The following ZNF490 variants were observed in gnomAD, a reference collection of about 807,000 sequenced individuals.
ZNF490 encodes the protein zinc finger protein 490.
ZNF490 carries 11 observed loss-of-function variants against 17.7 expected under a neutral mutation model. The observed-to-expected ratio is 0.62, with a 90% confidence interval of 0.39 to 1.03. The LOEUF (loss-of-function observed/expected upper bound fraction) is 1.03, where lower values mean the gene tolerates loss of function less well. Ranked by LOEUF, ZNF490 falls within the 50% of genes least tolerant of loss-of-function variation. ZNF490 has a pLI of 0.00. For synonymous variants in ZNF490, 222 were observed against 216.1 expected (o/e 1.03, Z -0.24); for missense variants, 542 against 643.4 (o/e 0.84, Z 1.71).
In ZNF490 at chr19:12,580,317, C is replaced by A. The variant is rs1161915222; in HGVS notation, c.*168G>T. 2.1e-6 allele frequency: 3 copies of A among 1,428,020 alleles called. No homozygotes were observed. The highest frequency in any genetic ancestry group is 1.7e-5 in the South Asian group (1 of 58,990). The allele number at this position is 1,428,020 out of a possible 1,614,324, so 88.5% of individuals were successfully genotyped here. On this transcript the variant is annotated 3_prime_UTR_variant, in exon 5 of 5. Transcript: ENST00000311437. ...CGCAGGAGAGTGCAAGTTCCTCCCC[C>A]ATTTGTTAAATATTTCATTGCCGCA...
rs185741545 is a variant in ZNF490, at chr19:12,590,038, C to T, written c.163-6482G>A. On this transcript the variant is annotated intron_variant, in intron 2 of 4. Transcript: ENST00000311437. ...CAAGCAATTCTCCTGCCTCAGCCTC[C>T]GGAGTAGCTGGGATTACAGGCATGT... 3.3e-5 allele frequency among the ~76,000 whole-genome samples: 5 copies of T among 151,902 alleles called. No individual in the cohort carries two copies. In the East Asian group the frequency reaches 7.8e-4, roughly 24 times the overall value.
intron 1 of ZNF490, among the ~76,000 whole-genome samples, 194 bp from the exon 2 acceptor site, chr19:12,609,396 TA>T (rs1035547344): frequency 1.3e-5 from 2 of 150,850 alleles, no homozygotes; most frequent in Non-Finnish European, 3.0e-5. Context: ...GTTTCTACTT[TA>T]AAAAAAAAAT....
At chr19:12,609,844 A>G in intron 1 of ZNF490, 1 of 427,356 alleles carries the variant, frequency 2.3e-6, no homozygotes, top group Non-Finnish European at 4.6e-6. Flanking sequence ...TTGGACAGAG[A>G]GGGGGGATGA....
chr19:12,591,844 A>C (rs951560107), intron 2 of ZNF490, among the ~76,000 whole-genome samples: 7 of 152,146 alleles, frequency 4.6e-5, no homozygotes, highest in Admixed American at 6.5e-5. Context: ...AAAAAAAAAA[A>C]AACACACTCT....
Position 12,599,656 on chromosome 19 carries a change from T to C in ZNF490, c.162+9502A>G, listed in dbSNP as rs771369785. On this transcript the variant is annotated intron_variant, in intron 2 of 4. Transcript: ENST00000311437. ...GTTGCTAAGAATCAATATTGTAACA[T>C]GTAATTGAGACTACTGGAAAAAACA... Among the ~76,000 whole-genome samples, 10 of 152,314 alleles carry C rather than the reference T, an allele frequency of 6.6e-5. 1 individual carries two copies. In the South Asian group the frequency reaches 1.2e-3, roughly 19 times the overall value.
chr19:12,580,894 T>G lies in ZNF490; in HGVS notation c.1181A>C (p.Gln394Pro). Residue 394 changes from glutamine to proline, a missense_variant, in exon 5 of 5, where the codon CAA (glutamine) becomes CCA (proline). Gln to Pro is a moderately conservative substitution (Grantham distance 76, BLOSUM62 -1). Coordinates refer to ENST00000311437, the MANE Select transcript of ZNF490 (RefSeq NM_020714.3). ...HFGEKPYECK[Q>P]CGKAFNSSSY... ...TGAAGAATTGAAGGCTTTACCACAT[T>G]GTTTACATTCATAGGGTTTTTCTCC... 1 of 1,614,190 alleles carries G rather than the reference T, an allele frequency of 6.2e-7. No individual in the cohort carries two copies. Among genetic ancestry groups the G allele is most frequent in the Non-Finnish European group, 8.5e-7 (1 of 1,180,018 alleles).
At chr19:12,601,299 A>G (rs10403883) in intron 2 of ZNF490, among the ~76,000 whole-genome samples, 2,674 of 151,706 alleles carry the variant, frequency 0.018, 92 homozygotes, top group African/African-American at 0.063. Context: ...GAGGCAGGAG[A>G]ATGGTGTGAA....
chr19:12,581,267 T>G lies in ZNF490; in HGVS notation c.808A>C (p.Lys270Gln). The G allele has an allele frequency of 1.2e-6, 2 of 1,614,212 alleles. No homozygotes were observed. Among genetic ancestry groups the G allele is most frequent in the East Asian group, 4.5e-5 (2 of 44,886 alleles). ...RYLTALRRHE[K>Q]NHTGEKPYKC... is the part of the protein sequence containing the mutation. ...TAGGGTTTCTCTCCAGTGTGATTTT[T>G]TTCATGGCGCCGAAGAGCAGTGAGA... The change falls in exon 5 of 5, where the codon AAA becomes CAA. Residue 270 changes from lysine to glutamine, a missense_variant. Physicochemically the swap from Lys to Gln is moderately conservative, Grantham distance 53. Transcript: ENST00000311437.
chr19:12,604,448 G>A (rs2023043160), intron 2 of ZNF490, among the ~76,000 whole-genome samples: 2 of 152,028 alleles, frequency 1.3e-5, no homozygotes, highest in Admixed American at 1.3e-4. Context: ...TCAGGAGTTC[G>A]AGACCAGCCT....
intron 2 of ZNF490, among the ~76,000 whole-genome samples, chr19:12,606,239 C>G (rs1291095493): frequency 6.6e-6 from 1 of 151,222 alleles, no homozygotes. Context: ...ATTGCCCAAG[C>G]TGGAGTGCAG....
intron 4 of ZNF490, 90 bp downstream of exon 4, chr19:12,582,760 T>C (rs2022755442): frequency 8.9e-7 from 1 of 1,120,674 alleles, no homozygotes; most frequent in African/African-American, 1.6e-5. Flanking sequence ...CCTGAAACTC[T>C]GCTTATTGTT....
chr19:12,583,962 C>G (rs2145144138), intron 2 of ZNF490, among the ~76,000 whole-genome samples: 1 of 151,368 alleles, frequency 6.6e-6, no homozygotes, highest in South Asian at 2.1e-4. Flanking sequence ...AGGCGCCCAC[C>G]ACCACACCCA....
Position 12,581,538 on chromosome 19 carries a change from A to G in ZNF490, c.537T>C (p.Thr179=), listed in dbSNP as rs768469847. The G allele has an allele frequency of 2.5e-6, 4 of 1,614,126 alleles. No individual in the cohort carries two copies. The East Asian group carries it at 8.9e-5, about 36-fold the overall frequency. The change falls in exon 5 of 5, where the codon ACT becomes ACC. Residue 179 remains threonine (T), a synonymous_variant. Transcript: ENST00000311437. ...CGTGACACTCATTTGGTTTCTGTTCAGTGTGAGATCTCATGTGCCTATTAA... is the reference window on the plus strand; with the variant it reads ...CGTGACACTCATTTGGTTTCTGTTCGGTGTGAGATCTCATGTGCCTATTAA... ...VSLNRHMRSH[T]EQKPNECHEY... is the part of the protein sequence containing the mutation.
rs760803114 is a variant in ZNF490, at chr19:12,589,550, AG to A, written c.163-5995del. On this transcript the variant is annotated intron_variant, in intron 2 of 4. Transcript: ENST00000311437. ...TTTATGATAGCAAACTAGGAATAGA[AG>A]GGAATTTCTTCTTCTTCTTTTTTTT... Among the ~76,000 whole-genome samples, 305 of 149,690 alleles carry A rather than the reference AG, an allele frequency of 2.0e-3. 3 individuals carry two copies. The highest frequency in any genetic ancestry group is 1.1e-3 in the Non-Finnish European group (73 of 67,584).
intron 4 of ZNF490, among the ~76,000 whole-genome samples, chr19:12,582,203 GATT>G (rs796986075): frequency 4.0e-5 from 6 of 151,736 alleles, no homozygotes; most frequent in African/African-American, 1.4e-4. Flanking sequence ...GCCCAGCCAG[GATT>G]TTTAAATGCT....
rs562343650 is a variant in ZNF490, at chr19:12,580,244, C to T, written c.*241G>A. 11 of 1,276,178 alleles carry T rather than the reference C, an allele frequency of 8.6e-6. No individual in the cohort carries two copies. The highest frequency in any genetic ancestry group is 3.0e-4 in the Middle Eastern group (1 of 3,310). 79.1% of individuals were successfully genotyped at this position (1,276,178 alleles called of 1,614,324 possible). A position where few individuals can be genotyped will look rare whatever the true frequency, so the allele number is the denominator to read the frequency against. ...AGTGAAGGCTTTCCTACACTCCATA[C>T]ATTCGTAGCTTTTCTGTCCATGGAG... is the stretch of plus-strand genomic sequence containing the variant. On this transcript the variant is annotated 3_prime_UTR_variant, in exon 5 of 5. Coordinates refer to ENST00000311437, the MANE Select transcript of ZNF490 (RefSeq NM_020714.3).
At chr19:12,604,395 T>C (rs1241525075) in intron 2 of ZNF490, among the ~76,000 whole-genome samples, 1 of 152,114 alleles carries the variant, frequency 6.6e-6, no homozygotes, top group Non-Finnish European at 1.5e-5. Context: ...CTCACACCTA[T>C]AATCCCAGCA....
intron 2 of ZNF490, among the ~76,000 whole-genome samples, chr19:12,591,139 A>C (rs2022865209): frequency 6.6e-6 from 1 of 151,092 alleles, no homozygotes; most frequent in African/African-American, 2.4e-5. Flanking sequence ...CTGTAATCCC[A>C]ACTCTTTGGG....
At chr19:12,602,079 T>TATATACACACAC (rs778812676) in intron 2 of ZNF490, among the ~76,000 whole-genome samples, 1 of 68,596 alleles carries the variant, frequency 1.5e-5, no homozygotes, top group African/African-American at 4.1e-5. Context: ...GTTCACTATA[T>TATATACACACAC]ACACACACAC....
Sources: allele counts gnomAD v4.1 joint callset (sites outside exome capture counted in the v4.1 genomes callset), GRCh38; gene constraint gnomAD v4.1.1; transcripts MANE v1.5; gene names NCBI Gene and HGNC (gene_info 2026-07-23, HGNC 2026-07-21).